Variants in SUMF1 observed in about 807,000 individuals in gnomAD.
The protein encoded by SUMF1 is sulfatase modifying factor 1.
Under a neutral mutation model 47.6 loss-of-function variants are expected in SUMF1, and 48 were observed. The observed-to-expected ratio is 1.01, with a 90% CI of 0.80 to 1.28. The LOEUF (loss-of-function observed/expected upper bound fraction) is 1.28, where lower values mean the gene tolerates loss of function less well. Ranked by LOEUF, SUMF1 falls within the 50% of genes most tolerant of loss-of-function variation. SUMF1 has a pLI of 0.00. For synonymous variants in SUMF1, 230 were observed against 192.1 expected (o/e 1.20, Z -1.63); for missense variants, 571 against 485.4 (o/e 1.18, Z -1.66).
chr3:4,335,688 T>C (rs1699132455), intron 8 of SUMF1, among the ~76,000 whole-genome samples: 1 of 152,030 alleles, frequency 6.6e-6, no homozygotes, highest in South Asian at 2.1e-4. Context: ...CTCACACCTG[T>C]AATCCCAGCA....
intron 8 of SUMF1, among the ~76,000 whole-genome samples, chr3:4,147,436 C>G (rs550034825): frequency 6.6e-6 from 1 of 152,178 alleles, no homozygotes; most frequent in Non-Finnish European, 1.5e-5. Context: ...TCAAGGCCCA[C>G]ATAAATCATC....
chr3:4,129,644 G>A (rs189819067), intron 8 of SUMF1, among the ~76,000 whole-genome samples: 15 of 152,158 alleles, frequency 9.9e-5, no homozygotes, highest in Admixed American at 2.6e-4. Flanking sequence ...CTTCCCCAAG[G>A]AGACCTCCAG....
At chr3:4,056,080 TCC>T (rs1312203078) in intron 9 of SUMF1, among the ~76,000 whole-genome samples, 1 of 152,148 alleles carries the variant, frequency 6.6e-6, no homozygotes, top group African/African-American at 2.4e-5. Context: ...CAGGATACTC[TCC>T]CTATTTTATG....
At chr3:4,173,877 C>G (rs998272617) in intron 8 of SUMF1, among the ~76,000 whole-genome samples, 1 of 151,970 alleles carries the variant, frequency 6.6e-6, no homozygotes, top group African/African-American at 2.4e-5. Context: ...GAGGGCCTGT[C>G]GGAGGTGGGG....
chr3:4,146,017 T>C (rs138983283), intron 8 of SUMF1, among the ~76,000 whole-genome samples: 53 of 152,264 alleles, frequency 3.5e-4, no homozygotes, highest in East Asian at 1.4e-3. Context: ...TGTGTCGACT[T>C]GGTCTCACTG....
intron 8 of SUMF1, among the ~76,000 whole-genome samples, chr3:4,168,811 G>A (rs1384414386): frequency 1.3e-5 from 2 of 152,128 alleles, no homozygotes; most frequent in African/African-American, 2.4e-5. Context: ...TTAGCACAGT[G>A]CTGAACACCC....
chr3:4,172,891 C>T (rs1177886927), intron 8 of SUMF1, among the ~76,000 whole-genome samples: 1 of 152,122 alleles, frequency 6.6e-6, no homozygotes, highest in East Asian at 1.9e-4. Context: ...GCTTCTGTTG[C>T]CATTGCTTTT....
chr3:4,352,252 T>C (rs1699519191), intron 8 of SUMF1, among the ~76,000 whole-genome samples: 1 of 152,164 alleles, frequency 6.6e-6, no homozygotes, highest in South Asian at 2.1e-4. Context: ...TCTTGAGTCC[T>C]AGTTTTCTAA....
chr3:4,373,855 A>G (rs1302397932), intron 8 of SUMF1, among the ~76,000 whole-genome samples: 1 of 152,206 alleles, frequency 6.6e-6, no homozygotes, highest in East Asian at 1.9e-4. Context: ...GGAATGATAC[A>G]TATCCCAGGA....
chr3:4,376,242 A>T, intron 8 of SUMF1, 88 bp downstream of exon 8: 3 of 1,483,572 alleles, frequency 2.0e-6, no homozygotes, highest in Non-Finnish European at 2.8e-6. Flanking sequence ...GCAGAAGTGA[A>T]TGAGACATTT....
At chr3:4,367,116 A>T (rs955488081) in intron 8 of SUMF1, among the ~76,000 whole-genome samples, 2 of 151,924 alleles carry the variant, frequency 1.3e-5, no homozygotes, top group African/African-American at 2.4e-5. Context: ...GTGAGGTGTC[A>T]GTCTGCCCCT....
At position 4,234,435 on chromosome 3, in the gene SUMF1, A is replaced by G. The variant is rs144891468; in HGVS notation, c.1014+141895T>C. 3.7e-3 allele frequency among the ~76,000 whole-genome samples: 569 copies of G among 152,166 alleles called. 4 individuals are homozygous for G. Among genetic ancestry groups the G allele is most frequent in the Middle Eastern group, 0.024 (7 of 294 alleles). ...TTCTGCTTTTGTTTTATCCTCCCTCAGACTTTATAATGCTAACTCCCTATG... is the reference window on the plus strand; with the variant it reads ...TTCTGCTTTTGTTTTATCCTCCCTCGGACTTTATAATGCTAACTCCCTATG... On this transcript the variant is annotated intron_variant and NMD_transcript_variant, in intron 8 of 12. Coordinates refer to the SUMF1 transcript ENST00000448413.
intron 8 of SUMF1, among the ~76,000 whole-genome samples, chr3:4,265,958 T>G (rs999457471): frequency 2.6e-5 from 4 of 152,036 alleles, no homozygotes; most frequent in Non-Finnish European, 5.9e-5. Context: ...GGCTAGCCAG[T>G]TTTCCCAGCA....
At chr3:4,142,841 A>G (rs1372525554) in intron 8 of SUMF1, among the ~76,000 whole-genome samples, 1 of 152,114 alleles carries the variant, frequency 6.6e-6, no homozygotes, top group Non-Finnish European at 1.5e-5. Flanking sequence ...CATGGACTCC[A>G]GGTTAAGAAC....
chr3:4,454,153 T>C (rs900864824), intron 1 of SUMF1, among the ~76,000 whole-genome samples: 5 of 152,158 alleles, frequency 3.3e-5, no homozygotes, highest in African/African-American at 4.8e-5. Flanking sequence ...AGGGGCTGTT[T>C]GTATAATTCC....
chr3:4,313,830 C>A, intron 8 of SUMF1: 1 of 1,598,038 alleles, frequency 6.3e-7, no homozygotes, highest in Non-Finnish European at 8.5e-7. Flanking sequence ...CTAGCTTTAC[C>A]TCTGCCTAGT....
rs1697868822 is a variant in SUMF1, at chr3:4,297,133, AG to A, written c.1014+79196del. On this transcript the variant is annotated intron_variant and NMD_transcript_variant, in intron 8 of 12. Transcript: ENST00000448413. ...GAACCTAATTGTCCTAGATTGAAAA[AG>A]GTGTGCACCTGTAAGCTAAAAACTT... Among the ~76,000 whole-genome samples, 2 of 152,280 alleles carry A rather than the reference AG, an allele frequency of 1.3e-5. 1 individual carries two copies. The highest frequency in any genetic ancestry group is 1.3e-4 in the Admixed American group (2 of 15,296).
At chr3:4,215,227 C>T (rs1408784501) in intron 8 of SUMF1, among the ~76,000 whole-genome samples, 1 of 152,172 alleles carries the variant, frequency 6.6e-6, no homozygotes, top group Non-Finnish European at 1.5e-5. Flanking sequence ...CTCTGGGATG[C>T]AAGGCTGGTT....
At chr3:4,280,570 T>G (rs1697507575) in intron 8 of SUMF1, among the ~76,000 whole-genome samples, 1 of 151,730 alleles carries the variant, frequency 6.6e-6, no homozygotes, top group African/African-American at 2.4e-5. Context: ...GAGATGAAAA[T>G]TTAAAAGGTT....
Sources: allele counts gnomAD v4.1 joint callset (sites outside exome capture counted in the v4.1 genomes callset), GRCh38; gene constraint gnomAD v4.1.1; transcripts MANE v1.5; gene names NCBI Gene and HGNC (gene_info 2026-07-23, HGNC 2026-07-21).